Variants in TSPYL6 observed in about 807,000 individuals in gnomAD.
The protein encoded by TSPYL6 is testis-specific Y-encoded-like protein 6.
For synonymous variants in TSPYL6, 259 were observed against 214.8 expected (o/e 1.21, Z -1.80); for missense variants, 699 against 531.5 (o/e 1.32, Z -3.10).
Position 54,256,166 on chromosome 2 carries a change from G to A in TSPYL6, c.-15C>T. 3.1e-6 allele frequency: 5 copies of A among 1,601,292 alleles called. No homozygotes were observed. Among genetic ancestry groups the A allele is most frequent in the African/African-American group, 1.3e-5 (1 of 74,820 alleles). On this transcript the variant is annotated 5_prime_UTR_variant, in exon 1 of 1. Transcript: ENST00000317802. ...GGGAGGCTCATGTTGGTAGCGGCCA[G>A]GGCAGCAGTGGGTAGAGGCCAGGCC...
chr2:54,255,927 G>T lies in TSPYL6; in HGVS notation c.225C>A (p.Val75=), dbSNP rs918854657. The part of the protein sequence containing the change: ...ADGGHTFHIL[V]DAGRSHGAIK... Reference sequence around the variant, plus strand: ...TGGCTCCATGACTGCGACCCGCATCGACCAAGATGTGGAAAGTATGGCCAC... The same window carrying T: ...TGGCTCCATGACTGCGACCCGCATCTACCAAGATGTGGAAAGTATGGCCAC... Residue 75 remains valine (V), a synonymous_variant, in exon 1 of 1, where the codon GTC becomes GTA. Coordinates refer to ENST00000317802, the MANE Select transcript of TSPYL6 (RefSeq NM_001003937.3). 1 of 1,614,086 alleles carries T rather than the reference G, an allele frequency of 6.2e-7. No individual in the cohort carries two copies.
Position 54,253,574 on chromosome 2 carries a change from A to C in TSPYL6, c.*1345T>G, listed in dbSNP as rs1207664133. On this transcript the variant is annotated 3_prime_UTR_variant, in exon 1 of 1. Transcript: ENST00000317802. ...CACTCCAACCATCTTCTATTCTTCT[A>C]CGTGCATACTAAAAAAAAGTACTTC... 6.6e-6 allele frequency: 1 copy of C among 152,216 alleles called. No homozygotes were observed. The highest frequency in any genetic ancestry group is 2.4e-5 in the African/African-American group (1 of 41,450). 9.4% of individuals were successfully genotyped at this position (152,216 alleles called of 1,614,324 possible).
Position 54,255,383 on chromosome 2 carries a change from G to T in TSPYL6, c.769C>A (p.Arg257Ser), listed in dbSNP as rs542489288. The change falls in exon 1 of 1, where the codon CGC (arginine) becomes AGC (serine). Residue 257 changes from arginine to serine, a missense_variant. Coordinates refer to ENST00000317802, the MANE Select transcript of TSPYL6 (RefSeq NM_001003937.3). ...ATGGCAGACAGCTGTGGGTGGTGGC[G>T]GAAAGCAGTGACCCAGAAGCCCGGG... is the stretch of plus-strand genomic sequence containing the variant. ...NIPGFWVTAF[R>S]HHPQLSAMIR... 1.9e-6 allele frequency: 3 copies of T among 1,613,944 alleles called. No homozygotes were observed. Among genetic ancestry groups the T allele is most frequent in the African/African-American group, 2.7e-5 (2 of 74,856 alleles).
In TSPYL6 at chr2:54,255,845, C is replaced by T. The variant is rs747560927; in HGVS notation, c.307G>A (p.Ala103Thr). 2.5e-6 allele frequency: 4 copies of T among 1,614,022 alleles called. No homozygotes were observed. The highest frequency in any genetic ancestry group is 1.6e-4 in the Middle Eastern group (1 of 6,062). The stretch of plus-strand genomic sequence containing the variant: ...AGGCTGCCGTCAGTTGTCAGCGAGG[C>T]AGAGGCCGCTTCTAGGCCCTCCGCG... ...PPAEGLEAAS[A>T]SLTTDGSLKN... Residue 103 changes from alanine (A) to threonine (T), a missense_variant, in exon 1 of 1, where the codon GCC (alanine) becomes ACC (threonine). Physicochemically the swap from Ala to Thr is moderately conservative, Grantham distance 58. Transcript: ENST00000317802.
rs1687405910 is a variant in TSPYL6, at chr2:54,254,700, T to C, written c.*219A>G. On this transcript the variant is annotated 3_prime_UTR_variant, in exon 1 of 1. Coordinates refer to ENST00000317802, the MANE Select transcript of TSPYL6 (RefSeq NM_001003937.3). Reference sequence around the variant, plus strand: ...GGATGTGACCCATCGGCTGGGAGCATGTGATGTTAATGCAGAATAGCAAGA... The same window carrying C: ...GGATGTGACCCATCGGCTGGGAGCACGTGATGTTAATGCAGAATAGCAAGA... 3.7e-6 allele frequency: 2 copies of C among 539,954 alleles called. No homozygotes were observed. Among genetic ancestry groups the C allele is most frequent in the Non-Finnish European group, 6.5e-6 (2 of 305,516 alleles). 33.4% of individuals were successfully genotyped at this position (539,954 alleles called of 1,614,324 possible).
In TSPYL6 at chr2:54,255,921, C is replaced by T. The variant is rs776739294; in HGVS notation, c.231G>A (p.Ala77=). 8.1e-6 allele frequency: 13 copies of T among 1,614,074 alleles called. No individual in the cohort carries two copies. In the South Asian group the frequency reaches 9.9e-5, roughly 12 times the overall value. ...GGHTFHILVD[A]GRSHGAIKAG... ...CTTTGATGGCTCCATGACTGCGACCCGCATCGACCAAGATGTGGAAAGTAT... is the reference window on the plus strand; with the variant it reads ...CTTTGATGGCTCCATGACTGCGACCTGCATCGACCAAGATGTGGAAAGTAT... The change falls in exon 1 of 1, where the codon GCG becomes GCA. Residue 77 remains alanine, a synonymous_variant. Coordinates refer to ENST00000317802, the MANE Select transcript of TSPYL6 (RefSeq NM_001003937.3).
rs1687352248 is a variant in TSPYL6, at chr2:54,253,854, T to G, written c.*1065A>C. 6.6e-6 allele frequency: 1 copy of G among 152,236 alleles called. No homozygotes were observed. Among genetic ancestry groups the G allele is most frequent in the Admixed American group, 6.5e-5 (1 of 15,286 alleles). The allele number at this position is 152,236 out of a possible 1,614,324, so 9.4% of individuals were successfully genotyped here. ...GGGCAATAAGAGGTCTGGCAGTCTATTTTACAGAACAGCCTGCCTCTGGAC... is the reference window on the plus strand; with the variant it reads ...GGGCAATAAGAGGTCTGGCAGTCTAGTTTACAGAACAGCCTGCCTCTGGAC... On this transcript the variant is annotated 3_prime_UTR_variant, in exon 1 of 1. Transcript: ENST00000317802.
In TSPYL6 at chr2:54,253,516, T is replaced by C. The variant is rs907623460; in HGVS notation, c.*1403A>G. 6.6e-6 allele frequency: 1 copy of C among 152,218 alleles called. No individual in the cohort carries two copies. The highest frequency in any genetic ancestry group is 1.5e-5 in the Non-Finnish European group (1 of 68,034). 9.4% of individuals were successfully genotyped at this position (152,218 alleles called of 1,614,324 possible). The stretch of plus-strand genomic sequence containing the variant: ...AGAACACCCAAAATTGCAGTGTTTC[T>C]TCAAAGAACCCTTCTCTAGGGAACA... On this transcript the variant is annotated 3_prime_UTR_variant, in exon 1 of 1. Coordinates refer to ENST00000317802, the MANE Select transcript of TSPYL6 (RefSeq NM_001003937.3).
At position 54,256,174 on chromosome 2, in the gene TSPYL6, G is replaced by A. The variant is rs764569190; in HGVS notation, c.-23C>T. The stretch of plus-strand genomic sequence containing the variant: ...CATGTTGGTAGCGGCCAGGGCAGCA[G>A]TGGGTAGAGGCCAGGCCAGAGGTAG... On this transcript the variant is annotated 5_prime_UTR_variant, in exon 1 of 1. Coordinates refer to ENST00000317802, the MANE Select transcript of TSPYL6 (RefSeq NM_001003937.3). 2 of 1,596,024 alleles carry A rather than the reference G, an allele frequency of 1.3e-6. No individual in the cohort carries two copies. Among genetic ancestry groups the A allele is most frequent in the Admixed American group, 3.4e-5 (2 of 58,582 alleles).
rs780100726 is a variant in TSPYL6 at position 54,255,756 on chromosome 2, A to G, written c.396T>C (p.Cys132=). ...CTTCAGACTCCGACCTCCCTGCCCC[A>G]CAGGTTTCTAGAGCCTTCTCCCCAC... is the stretch of plus-strand genomic sequence containing the variant. The part of the protein sequence containing the change: ...GLGGEKALET[C]GAGRSESEVI... Residue 132 remains cysteine (C), a synonymous_variant, in exon 1 of 1, where the codon TGT becomes TGC. Transcript: ENST00000317802. 1 of 1,613,556 alleles carries G rather than the reference A, an allele frequency of 6.2e-7. No homozygotes were observed. The highest frequency in any genetic ancestry group is 8.5e-7 in the Non-Finnish European group (1 of 1,179,924).
rs759178976 is a variant in TSPYL6 at position 54,255,650 on chromosome 2, C to G, written c.502G>C (p.Gly168Arg). Residue 168 changes from glycine to arginine, a missense_variant, in exon 1 of 1, where the codon GGC becomes CGC. Transcript: ENST00000317802. ...FSAPVDEKPG[G>R]EEMDVAEENR... ...TCTTCCGCCACGTCCATTTCTTCGCCTCCTGGCTTCTCATCCACTGGGGCT... is the reference window on the plus strand; with the variant it reads ...TCTTCCGCCACGTCCATTTCTTCGCGTCCTGGCTTCTCATCCACTGGGGCT... 1 of 1,613,792 alleles carries G rather than the reference C, an allele frequency of 6.2e-7. No homozygotes were observed. The highest frequency in any genetic ancestry group is 1.3e-5 in the African/African-American group (1 of 75,036).
In TSPYL6 at chr2:54,255,348, G is replaced by T; in HGVS notation, c.804C>A (p.Gly268=). 1.9e-6 allele frequency: 3 copies of T among 1,614,114 alleles called. No homozygotes were observed. In the South Asian group the frequency reaches 3.3e-5, roughly 18 times the overall value. The change falls in exon 1 of 1, where the codon GGC becomes GGA. Residue 268 remains glycine, a synonymous_variant. Coordinates refer to ENST00000317802, the MANE Select transcript of TSPYL6 (RefSeq NM_001003937.3). The stretch of plus-strand genomic sequence containing the variant: ...AGTAGCTTAACATCTCGGCATCTTG[G>T]CCTCTAATCATGGCAGACAGCTGTG... ...HHPQLSAMIR[G]QDAEMLSYLT... is the part of the protein sequence containing the mutation.
In TSPYL6 at chr2:54,256,182, A is replaced by G; in HGVS notation, c.-31T>C. ...TAGCGGCCAGGGCAGCAGTGGGTAG[A>G]GGCCAGGCCAGAGGTAGGTAGCGTC... On this transcript the variant is annotated 5_prime_UTR_variant, in exon 1 of 1. Transcript: ENST00000317802. The G allele has an allele frequency of 6.3e-7, 1 of 1,580,998 alleles. No individual in the cohort carries two copies. Among genetic ancestry groups the G allele is most frequent in the Non-Finnish European group, 8.6e-7 (1 of 1,162,630 alleles).
rs1159499276 is a variant in TSPYL6, at chr2:54,253,833, A to C, written c.*1086T>G. On this transcript the variant is annotated 3_prime_UTR_variant, in exon 1 of 1. Transcript: ENST00000317802. ...GGGCTGAGAAGAAAGGAGAATGGGC[A>C]ATAAGAGGTCTGGCAGTCTATTTTA... The C allele has an allele frequency of 6.6e-6, 1 of 152,278 alleles. No homozygotes were observed. Among genetic ancestry groups the C allele is most frequent in the Non-Finnish European group, 1.5e-5 (1 of 68,066 alleles). 9.4% of individuals were successfully genotyped at this position (152,278 alleles called of 1,614,324 possible). A position where few individuals can be genotyped will look rare whatever the true frequency, so the allele number is the denominator to read the frequency against.
chr2:54,255,884 C>T lies in TSPYL6; in HGVS notation c.268G>A (p.Val90Met). The T allele has an allele frequency of 6.2e-7, 1 of 1,614,084 alleles. No individual in the cohort carries two copies. The highest frequency in any genetic ancestry group is 8.5e-7 in the Non-Finnish European group (1 of 1,179,986). The change falls in exon 1 of 1, where the codon GTG (valine) becomes ATG (methionine). Residue 90 changes from valine to methionine, a missense_variant. Transcript: ENST00000317802. ...AGGCCCTCCGCGGGTGGTGGAGTCA[C>T]TTCCTGCCCCGCTTTGATGGCTCCA... ...SHGAIKAGQE[V>M]TPPPAEGLEA...
rs1687315726 is a variant in TSPYL6 at position 54,253,193 on chromosome 2, T to C, written c.*1726A>G. The C allele has an allele frequency of 6.6e-6, 1 of 152,244 alleles. No homozygotes were observed. The highest frequency in any genetic ancestry group is 6.5e-5 in the Admixed American group (1 of 15,292). 9.4% of individuals were successfully genotyped at this position (152,244 alleles called of 1,614,324 possible). A position where few individuals can be genotyped will look rare whatever the true frequency, so the allele number is the denominator to read the frequency against. On this transcript the variant is annotated 3_prime_UTR_variant, in exon 1 of 1. Coordinates refer to ENST00000317802, the MANE Select transcript of TSPYL6 (RefSeq NM_001003937.3). The stretch of plus-strand genomic sequence containing the variant: ...GACAATGAAAGCCATAAATATTTTG[T>C]AGTTTATTTACCCATGAACACAATA...
Position 54,255,626 on chromosome 2 carries a change from C to T in TSPYL6, c.526G>A (p.Glu176Lys). The change falls in exon 1 of 1, where the codon GAA becomes AAA. Residue 176 changes from glutamate to lysine, a missense_variant. Coordinates refer to ENST00000317802, the MANE Select transcript of TSPYL6 (RefSeq NM_001003937.3). ...TTTACCTCATCTATTGCTCTGTTTT[C>T]TTCCGCCACGTCCATTTCTTCGCCT... ...PGGEEMDVAE[E>K]NRAIDEVNRE... is the part of the protein sequence containing the mutation. 3 of 1,613,638 alleles carry T rather than the reference C, an allele frequency of 1.9e-6. No individual in the cohort carries two copies. Among genetic ancestry groups the T allele is most frequent in the Non-Finnish European group, 2.5e-6 (3 of 1,179,978 alleles).
In TSPYL6 at chr2:54,255,006, C is replaced by T. The variant is rs779029567; in HGVS notation, c.1146G>A (p.Leu382=). 1.1e-5 allele frequency: 18 copies of T among 1,614,108 alleles called. No individual in the cohort carries two copies. Among genetic ancestry groups the T allele is most frequent in the Non-Finnish European group, 1.5e-5 (18 of 1,180,014 alleles). Residue 382 remains leucine (L), a synonymous_variant, in exon 1 of 1, where the codon CTG becomes CTA. Coordinates refer to ENST00000317802, the MANE Select transcript of TSPYL6 (RefSeq NM_001003937.3). The part of the protein sequence containing the change: ...DLWSNPLQYY[L]LGEDAHRARR... The stretch of plus-strand genomic sequence containing the variant: ...TAGCTCTATGGGCGTCTTCACCCAA[C>T]AGGTAGTACTGCAGTGGATTTGACC...
At position 54,255,570 on chromosome 2, in the gene TSPYL6, C is replaced by A; in HGVS notation, c.582G>T (p.Gly194=). 1.7e-6 allele frequency: 2 copies of A among 1,179,832 alleles called. No individual in the cohort carries two copies. The highest frequency in any genetic ancestry group is 2.3e-6 in the Non-Finnish European group (2 of 861,766). The allele number at this position is 1,179,832 out of a possible 1,614,324, so 73.1% of individuals were successfully genotyped here. The part of the protein sequence containing the change: ...NREAGPGPGP[G]PLNVGLHLNP... ...TCAGGTGGAGACCCACGTTCAGGGGCCCGGGCCCGGGCCCAGGCCCTGCCT... is the reference window on the plus strand; with the variant it reads ...TCAGGTGGAGACCCACGTTCAGGGGACCGGGCCCGGGCCCAGGCCCTGCCT... The change falls in exon 1 of 1, where the codon GGG becomes GGT. Residue 194 remains glycine, a synonymous_variant. Coordinates refer to ENST00000317802, the MANE Select transcript of TSPYL6 (RefSeq NM_001003937.3).
Sources: allele counts gnomAD v4.1 joint callset, GRCh38; gene constraint gnomAD v4.1.1; transcripts MANE v1.5; gene names NCBI Gene and HGNC (gene_info 2026-07-23, HGNC 2026-07-21).